The following SRPK1 variants were observed in gnomAD, a reference collection of about 807,000 sequenced individuals.
SRPK1 encodes SFRS protein kinase 1.
Under a neutral mutation model 89.5 loss-of-function variants are expected in SRPK1, and 52 were observed. The ratio of observed to expected loss-of-function variants is 0.58; its 90% CI spans 0.46 to 0.73. The LOEUF is 0.73. Ranked by LOEUF, SRPK1 falls within the 30% of genes least tolerant of loss-of-function variation. The probability of loss-of-function intolerance (pLI) is 0.00; values close to 1 mark genes in which losing one functional copy is unlikely to be tolerated. For missense variants in SRPK1, 603 were observed against 780.6 expected, an observed-to-expected ratio of 0.77 and a Z score of 2.71; for synonymous variants, 255 against 270.2, an observed-to-expected ratio of 0.94 and a Z score of 0.55.
chr6:35,904,794 A>G lies in SRPK1; in HGVS notation c.75-13781T>C, dbSNP rs185127173. The G allele has an allele frequency of 1.1e-3, 228 of 205,336 alleles. 3 individuals carry two copies. Among genetic ancestry groups the G allele is most frequent in the African/African-American group, 5.0e-3 (209 of 41,782 alleles). The allele number at this position is 205,336 out of a possible 1,614,324, so 12.7% of individuals were successfully genotyped here. A position where few individuals can be genotyped will look rare whatever the true frequency, so the allele number is the denominator to read the frequency against. ...CACTTTAGCCTGGGCAACAAGAGTG[A>G]AACTCTGTCACAAAAAAAAGAAAAA... On this transcript the variant is annotated intron_variant, in intron 2 of 15. Transcript: ENST00000373825.
At chr6:35,896,141 G>A (rs1561991297) in intron 2 of SRPK1, among the ~76,000 whole-genome samples, 1 of 152,220 alleles carries the variant, frequency 6.6e-6, no homozygotes, top group Non-Finnish European at 1.5e-5. Context: ...AGAAGCACAG[G>A]TAAAACAACC....
chr6:35,878,593 T>C (rs1770208450), intron 6 of SRPK1, among the ~76,000 whole-genome samples: 1 of 152,184 alleles, frequency 6.6e-6, no homozygotes. Context: ...CAAGCAGCCC[T>C]GCACACAGTT....
intron 13 of SRPK1, among the ~76,000 whole-genome samples, chr6:35,856,049 T>C (rs902303404): frequency 5.3e-5 from 8 of 152,116 alleles, no homozygotes; most frequent in Non-Finnish European, 1.2e-4. Flanking sequence ...TAGATGAAAG[T>C]TGGACATACG....
chr6:35,889,806 A>C (rs1414795493), intron 3 of SRPK1, among the ~76,000 whole-genome samples: 2 of 148,712 alleles, frequency 1.3e-5, no homozygotes, highest in Non-Finnish European at 3.0e-5. Context: ...AACAAACAAA[A>C]AACAAAAAAC....
Position 35,910,275 on chromosome 6 carries a change from G to A in SRPK1, c.74+10193C>T, listed in dbSNP as rs150368142. On this transcript the variant is annotated intron_variant, in intron 2 of 15. Transcript: ENST00000373825. ...TGGGATTACAGGAGTGAGCCACCAC[G>A]CCCAGCTTGCAAGCCTCATTTCTGA... is the stretch of plus-strand genomic sequence containing the variant. Among the ~76,000 whole-genome samples, 140 of 152,210 alleles carry A rather than the reference G, an allele frequency of 9.2e-4. 2 individuals are homozygous for A. The East Asian group carries it at 0.021, about 23-fold the overall frequency.
At chr6:35,898,841 T>C (rs566006312) in intron 2 of SRPK1, among the ~76,000 whole-genome samples, 2 of 152,224 alleles carry the variant, frequency 1.3e-5, no homozygotes, top group East Asian at 3.9e-4. Flanking sequence ...AGTTCACATT[T>C]TCCAAAACAA....
chr6:35,882,161 T>TAGTAGTAGC (rs1480474645), intron 6 of SRPK1, among the ~76,000 whole-genome samples: 174 of 118,430 alleles, frequency 1.5e-3, no homozygotes, highest in African/African-American at 4.3e-3. Context: ...GTAGTAGTAG[T>TAGTAGTAGC]AGCAGCAGCA....
intron 2 of SRPK1, among the ~76,000 whole-genome samples, chr6:35,904,567 G>A (rs1476334461): frequency 4.0e-5 from 6 of 151,456 alleles, no homozygotes; most frequent in African/African-American, 7.3e-5. Context: ...TTGGGAGGCC[G>A]AGGCAGGCAG....
At chr6:35,915,850 T>C in intron 2 of SRPK1, among the ~76,000 whole-genome samples, 1 of 151,458 alleles carries the variant, frequency 6.6e-6, no homozygotes, top group Non-Finnish European at 1.5e-5. Context: ...CACACACCTG[T>C]AGTCCCAGCT....
chr6:35,859,734 G>A (rs1192171312), intron 12 of SRPK1, among the ~76,000 whole-genome samples: 1 of 152,212 alleles, frequency 6.6e-6, no homozygotes, highest in East Asian at 1.9e-4. Flanking sequence ...AGATCAAGAA[G>A]TGAGATCCAA....
chr6:35,918,131 T>C (rs1172794028), intron 2 of SRPK1, among the ~76,000 whole-genome samples: 1 of 151,976 alleles, frequency 6.6e-6, no homozygotes, highest in African/African-American at 2.4e-5. Flanking sequence ...CCAACTTAAT[T>C]AGACATTTCA....
intron 13 of SRPK1, among the ~76,000 whole-genome samples, chr6:35,852,687 A>G (rs907081636): frequency 2.0e-5 from 3 of 152,284 alleles, no homozygotes; most frequent in Middle Eastern, 3.4e-3. Flanking sequence ...GATGATGGAG[A>G]AAGAGCTCTT....
chr6:35,855,638 C>G (rs1769650254), intron 13 of SRPK1, among the ~76,000 whole-genome samples: 1 of 152,194 alleles, frequency 6.6e-6, no homozygotes, highest in South Asian at 2.1e-4. Flanking sequence ...TAGGAAGTCT[C>G]TAAACCCTTG....
intron 13 of SRPK1, among the ~76,000 whole-genome samples, chr6:35,854,803 T>C (rs904646203): frequency 5.9e-5 from 9 of 152,346 alleles, no homozygotes; most frequent in Non-Finnish European, 1.2e-4. Context: ...ATAAATCAGA[T>C]GCCATCTATT....
chr6:35,906,665 G>A (rs1020861200), intron 2 of SRPK1, among the ~76,000 whole-genome samples: 3 of 152,158 alleles, frequency 2.0e-5, no homozygotes, highest in African/African-American at 2.4e-5. Context: ...AGGCAGTGTC[G>A]GGAGTCAAGG....
chr6:35,869,012 C>T lies in SRPK1; in HGVS notation c.1510G>A (p.Val504Met), dbSNP rs762497097. ...KIADLGNACW[V>M]HKHFTEDIQT... ...CCATTAAGGCAAGTTTAACTTACCA[C>T]CCAACAAGCATTTCCAAGGTCAGCA... The change falls in exon 12 of 16, where the codon GTG (valine) becomes ATG (methionine). Residue 504 changes from valine (V) to methionine (M), a missense_variant and splice_region_variant. Transcript: ENST00000373825. 29 of 1,613,194 alleles carry T rather than the reference C, an allele frequency of 1.8e-5. No homozygotes were observed. In the East Asian group the frequency reaches 2.2e-4, roughly 12 times the overall value.
Position 35,872,580 on chromosome 6 carries a change from G to A in SRPK1, c.734C>T (p.Pro245Leu), listed in dbSNP as rs1770055917. 2 of 1,605,868 alleles carry A rather than the reference G, an allele frequency of 1.2e-6. No individual in the cohort carries two copies. The highest frequency in any genetic ancestry group is 8.5e-7 in the Non-Finnish European group (1 of 1,176,924). The change falls in exon 8 of 16, where the codon CCG becomes CTG. Residue 245 changes from proline (P) to leucine (L), a missense_variant. Coordinates refer to ENST00000373825, the MANE Select transcript of SRPK1 (RefSeq NM_003137.5). Reference sequence around the variant, plus strand: ...AAATACACCTGCAGATCCGGAAGGCGGAGGAGCTCCAGATCGCTGCCATTC... The same window carrying A: ...AAATACACCTGCAGATCCGGAAGGCAGAGGAGCTCCAGATCGCTGCCATTC... The part of the protein sequence containing the change: ...ATEWQRSGAP[P>L]PSGSAVSTAP...
intron 2 of SRPK1, among the ~76,000 whole-genome samples, chr6:35,902,748 T>C (rs1373366879): frequency 1.3e-5 from 2 of 152,224 alleles, no homozygotes; most frequent in Non-Finnish European, 2.9e-5. Context: ...GTATTATCCT[T>C]CTACCTAGAA....
rs761629698 is a variant in SRPK1 at position 35,869,058 on chromosome 6, T to G, written c.1464A>C (p.Ala488=). The G allele has an allele frequency of 6.2e-7, 1 of 1,614,118 alleles. No homozygotes were observed. The highest frequency in any genetic ancestry group is 2.2e-5 in the East Asian group (1 of 44,868). The change falls in exon 12 of 16, where the codon GCA becomes GCC. Residue 488 remains alanine, a synonymous_variant. Transcript: ENST00000373825. ...CAGCAATCTTCACCTTGAGCTTTTC[T>G]GCATTTTTTGGCTCAAGGGGATTAA... ...FLVNPLEPKN[A]EKLKVKIADL...
Sources: allele counts gnomAD v4.1 joint callset (sites outside exome capture counted in the v4.1 genomes callset), GRCh38; gene constraint gnomAD v4.1.1; transcripts MANE v1.5; gene names NCBI Gene and HGNC (gene_info 2026-07-23, HGNC 2026-07-21).